The following TMF1 variants were observed in gnomAD, a reference collection of about 807,000 sequenced individuals.
The protein encoded by TMF1 is TATA element modulatory factor.
TMF1 carries 71 observed loss-of-function variants against 126.5 expected under a neutral mutation model. The ratio of observed to expected loss-of-function variants is 0.56; its 90% CI spans 0.46 to 0.68. The LOEUF is 0.68. Among genes scored for constraint, TMF1 ranks in the 30% least tolerant of loss-of-function variants. The probability of loss-of-function intolerance (pLI) is 0.00; values close to 1 mark genes in which losing one functional copy is unlikely to be tolerated. For missense variants in TMF1, 1,259 were observed against 1,253.2 expected (o/e 1.00, Z -0.07); for synonymous variants, 461 against 430.5 (o/e 1.07, Z -0.88).
intron 1 of TMF1, among the ~76,000 whole-genome samples, chr3:69,050,605 T>C (rs1247226862): frequency 6.6e-6 from 1 of 152,220 alleles, no homozygotes; most frequent in African/African-American, 2.4e-5. Flanking sequence ...GTAAAACCTA[T>C]ATTCTATCTT....
At chr3:69,039,033 A>G in intron 6 of TMF1, 24 bp from the exon 7 acceptor site, 1 of 1,480,590 alleles carries the variant, frequency 6.8e-7, no homozygotes, top group Non-Finnish European at 9.0e-7. Context: ...AAACAGACAA[A>G]AGTATTTTTC....
Position 69,029,839 on chromosome 3 carries a change from C to T in TMF1, c.2570G>A (p.Cys857Tyr), listed in dbSNP as rs2091789707. The T allele has an allele frequency of 6.2e-7, 1 of 1,612,652 alleles. No homozygotes were observed. Among genetic ancestry groups the T allele is most frequent in the African/African-American group, 1.3e-5 (1 of 74,836 alleles). ...AQLESEKNRLCKLEDENNRYQ... is the reference protein window; with the variant it reads ...AQLESEKNRLYKLEDENNRYQ... ...CCTATTGTTCTCATCCTCCAGTTTA[C>T]ACAGCCTATTTTTCTCTGATTCTAG... The change falls in exon 11 of 17, where the codon TGT becomes TAT. Residue 857 changes from cysteine (C) to tyrosine (Y), a missense_variant. Physicochemically the swap from Cys to Tyr is radical, Grantham distance 194 (BLOSUM62 -2). Coordinates refer to ENST00000398559, the MANE Select transcript of TMF1 (RefSeq NM_007114.3).
chr3:69,039,453 A>AC, intron 6 of TMF1, 98 bp downstream of exon 6: 2 of 1,291,400 alleles, frequency 1.5e-6, no homozygotes, highest in Non-Finnish European at 2.1e-6. Context: ...TACATGATAT[A>AC]CCCCATTAAA....
intron 8 of TMF1, among the ~76,000 whole-genome samples, chr3:69,035,820 G>A (rs1367552752): frequency 1.3e-5 from 2 of 151,930 alleles, no homozygotes; most frequent in Admixed American, 1.3e-4. Flanking sequence ...TAACACGTAA[G>A]ACATCAATTA....
intron 9 of TMF1, 102 bp from the exon 10 acceptor site, chr3:69,033,806 C>T: frequency 1.8e-6 from 2 of 1,086,098 alleles, no homozygotes; most frequent in Non-Finnish European, 2.6e-6. Flanking sequence ...ATTATTTTTC[C>T]AAGAGAAAAT....
intron 2 of TMF1, among the ~76,000 whole-genome samples, chr3:69,046,970 A>G (rs970281212): frequency 1.2e-4 from 19 of 152,358 alleles, no homozygotes; most frequent in African/African-American, 4.6e-4. Flanking sequence ...AAGAAAAACC[A>G]TAACATTTAG....
chr3:69,047,760 C>A lies in TMF1; in HGVS notation c.945G>T (p.Glu315Asp). 1 of 1,614,078 alleles carries A rather than the reference C, an allele frequency of 6.2e-7. No homozygotes were observed. The highest frequency in any genetic ancestry group is 8.5e-7 in the Non-Finnish European group (1 of 1,180,014). The change falls in exon 2 of 17, where the codon GAG becomes GAT. Residue 315 changes from glutamate (E) to aspartate (D), a missense_variant. Transcript: ENST00000398559. ...NRLDDFQKLT[E>D]SCCSSDAFER... Reference sequence around the variant, plus strand: ...CAAAAGCATCAGATGAACAGCAACTCTCAGTGAGTTTTTGGAAATCATCTA... The same window carrying A: ...CAAAAGCATCAGATGAACAGCAACTATCAGTGAGTTTTTGGAAATCATCTA...
rs757177638 is a variant in TMF1 at position 69,023,296 on chromosome 3, T to C, written c.3163A>G (p.Ile1055Val). The C allele has an allele frequency of 5.6e-6, 9 of 1,611,864 alleles. No homozygotes were observed. The highest frequency in any genetic ancestry group is 2.2e-5 in the East Asian group (1 of 44,696). Residue 1055 changes from isoleucine to valine, a missense_variant, in exon 17 of 17, where the codon ATT (isoleucine) becomes GTT (valine). Ile to Val is a conservative substitution (Grantham distance 29, BLOSUM62 3). Coordinates refer to ENST00000398559, the MANE Select transcript of TMF1 (RefSeq NM_007114.3). ...GCTTTTTCTCCATACATCTGCAGAA[T>C]AGTGTTGTACCTTTGATCCAAATCC... ...LRDLDQRYNTILQMYGEKAEE... is the reference protein window; with the variant it reads ...LRDLDQRYNTVLQMYGEKAEE...
intron 10 of TMF1, among the ~76,000 whole-genome samples, chr3:69,033,172 G>A (rs988367705): frequency 6.6e-6 from 1 of 151,836 alleles, no homozygotes; most frequent in Non-Finnish European, 1.5e-5. Context: ...TACTCAGGAG[G>A]CTGAGGCAGG....
intron 15 of TMF1, 88 bp from the exon 16 acceptor site, chr3:69,024,268 GTT>G (rs201235194): frequency 0.22 from 202,520 of 911,980 alleles, 10,453 homozygotes; most frequent in East Asian, 0.37. Flanking sequence ...TGTGTGTGTG[GTT>G]TTTTTTTTTT....
Position 69,038,825 on chromosome 3 carries a change from A to G in TMF1, c.1994+18T>C. On this transcript the variant is annotated intron_variant, in intron 7 of 16. Coordinates refer to ENST00000398559, the MANE Select transcript of TMF1 (RefSeq NM_007114.3). ...ATAATTCATTCTAAATGGGTTGCAT[A>G]TTTGTTCATTTTCTTACTTGTATGC... The G allele has an allele frequency of 6.3e-7, 1 of 1,582,430 alleles. No homozygotes were observed. The highest frequency in any genetic ancestry group is 8.6e-7 in the Non-Finnish European group (1 of 1,165,382).
rs1163494958 is a variant in TMF1, at chr3:69,048,489, A to C, written c.216T>G (p.Ser72Arg). 2 of 1,613,912 alleles carry C rather than the reference A, an allele frequency of 1.2e-6. No homozygotes were observed. The change falls in exon 2 of 17, where the codon AGT becomes AGG. Residue 72 changes from serine (S) to arginine (R), a missense_variant. Ser to Arg is a moderately radical substitution (Grantham distance 110, BLOSUM62 -1). Coordinates refer to ENST00000398559, the MANE Select transcript of TMF1 (RefSeq NM_007114.3). The stretch of plus-strand genomic sequence containing the variant: ...TTGCTTTAGGAGAGGCTATTGGTGG[A>C]CTCTGAGGTTCAGTGTTTGATTTCA... ...WGLKSNTEPQ[S>R]PPIASPKAIT...
At chr3:69,044,232 C>T (rs910898509) in intron 3 of TMF1, among the ~76,000 whole-genome samples, 7 of 152,058 alleles carry the variant, frequency 4.6e-5, no homozygotes, top group African/African-American at 1.2e-4. Context: ...TCTTCAAATA[C>T]GTTTTAAATC....
intron 13 of TMF1, 105 bp from the exon 14 acceptor site, chr3:69,026,202 A>C: frequency 1.4e-6 from 1 of 725,722 alleles, no homozygotes. Flanking sequence ...CAGTCTTTTA[A>C]AAAAGCCACA....
At chr3:69,048,697 C>T in intron 1 of TMF1, 135 bp from the exon 2 acceptor site, 1 of 810,518 alleles carries the variant, frequency 1.2e-6, no homozygotes, top group Non-Finnish European at 1.8e-6. Context: ...ACCTGCTAAA[C>T]TCCTTGCTTA....
Position 69,028,232 on chromosome 3 carries a change from T to C in TMF1, c.2658A>G (p.Lys886=), listed in dbSNP as rs1455504691. The C allele has an allele frequency of 6.2e-7, 1 of 1,612,734 alleles. No individual in the cohort carries two copies. Among genetic ancestry groups the C allele is most frequent in the African/African-American group, 1.3e-5 (1 of 74,916 alleles). The change falls in exon 12 of 17, where the codon AAA becomes AAG. Residue 886 remains lysine, a synonymous_variant. Transcript: ENST00000398559. ...TGGTCACGAAGAGAAATACCTTTTC[T>C]TTCCTCGTCTCTTCAAGTGTTCTTA... ...EYVRTLEETR[K]EKTLLNSQLE...
Position 69,025,676 on chromosome 3 carries a change from T to C in TMF1, c.2896A>G (p.Ile966Val), listed in dbSNP as rs370706471. The C allele has an allele frequency of 3.8e-5, 61 of 1,613,964 alleles. No homozygotes were observed. Among genetic ancestry groups the C allele is most frequent in the African/African-American group, 1.9e-4 (14 of 74,940 alleles). ...TAAAGATTGCTTCCATTTGCTGATATAGGCATTGGTCCAAATGAGTGATCA... is the reference window on the plus strand; with the variant it reads ...TAAAGATTGCTTCCATTTGCTGATACAGGCATTGGTCCAAATGAGTGATCA... ...SHDHSFGPMPISANGSNLYDA... is the reference protein window; with the variant it reads ...SHDHSFGPMPVSANGSNLYDA... The change falls in exon 15 of 17, where the codon ATA becomes GTA. Residue 966 changes from isoleucine to valine, a missense_variant. Coordinates refer to ENST00000398559, the MANE Select transcript of TMF1 (RefSeq NM_007114.3).
chr3:69,038,999 C>A lies in TMF1; in HGVS notation c.1838G>T (p.Gly613Val). 1.3e-6 allele frequency: 2 copies of A among 1,584,644 alleles called. No individual in the cohort carries two copies. Among genetic ancestry groups the A allele is most frequent in the South Asian group, 1.2e-5 (1 of 85,424 alleles). ...ELQHLKQVLDGKEEVEKQHRE... is the reference protein window; with the variant it reads ...ELQHLKQVLDVKEEVEKQHRE... ...ATGTTGTTTCTCAACCTCTTCTTTG[C>A]CATCAAGGACCTATATGTTATAAAA... is the stretch of plus-strand genomic sequence containing the variant. The change falls in exon 7 of 17, where the codon GGC becomes GTC. Residue 613 changes from glycine to valine, a missense_variant. Transcript: ENST00000398559.
chr3:69,043,014 G>T, intron 4 of TMF1, 102 bp from the exon 5 acceptor site: 1 of 795,394 alleles, frequency 1.3e-6, no homozygotes, highest in Non-Finnish European at 2.0e-6. Context: ...AATCACATTT[G>T]CAATAAGAAT....
Sources: gnomAD v4.1 joint callset for allele counts (sites outside exome capture counted in the v4.1 genomes callset) on GRCh38, gnomAD v4.1.1 for gene constraint, MANE v1.5 for transcripts, NCBI Gene and HGNC (gene_info 2026-07-23, HGNC 2026-07-21) for gene names.